FAM111A: variants seen among roughly 807,000 people sequenced by gnomAD.
FAM111A encodes the protein serine protease FAM111A.
Under a neutral mutation model 3.3 loss-of-function variants are expected in FAM111A, and 8 were observed. That is an observed-to-expected ratio of 2.39 (90% CI 1.40 to 4.32). The LOEUF (loss-of-function observed/expected upper bound fraction) is 4.32. FAM111A is among the 30% of genes most tolerant of loss of function. FAM111A has a pLI of 0.00. For synonymous variants in FAM111A, 227 were observed against 243.1 expected (o/e 0.93, Z 0.62); for missense variants, 683 against 727.6 (o/e 0.94, Z 0.71).
intron 5 of FAM111A, among the ~76,000 whole-genome samples, chr11:59,149,708 T>C (rs1422204518): frequency 6.6e-6 from 1 of 152,212 alleles, no homozygotes; most frequent in Non-Finnish European, 1.5e-5. Flanking sequence ...TTTTAATATA[T>C]TTGTTCTTAC....
intron 5 of FAM111A, 99 bp from the exon 6 acceptor site, chr11:59,151,651 C>G: frequency 2.3e-6 from 2 of 871,020 alleles, no homozygotes; most frequent in Admixed American, 2.4e-5. Flanking sequence ...GATTGGTTCT[C>G]AGTTTCTCAT....
intron 4 of FAM111A, among the ~76,000 whole-genome samples, 163 bp downstream of exon 4, chr11:59,146,019 A>C (rs536122009): frequency 6.6e-6 from 1 of 151,670 alleles, no homozygotes; most frequent in East Asian, 1.9e-4. Context: ...TAGATTGCAT[A>C]TATAATATAT....
chr11:59,152,487 C>T lies in FAM111A; in HGVS notation c.819C>T (p.Val273=). ...YFQVEVEKRM[V]PSAAASQNPE... The stretch of plus-strand genomic sequence containing the variant: ...AGGTTGAGGTTGAGAAAAGAATGGT[C>T]CCCAGTGCAGCAGCTTCTCAGAATC... The change falls in exon 6 of 6, where the codon GTC becomes GTT. Residue 273 remains valine, a synonymous_variant. Coordinates refer to ENST00000675163, the MANE Select transcript of FAM111A (RefSeq NM_001312909.2). The T allele has an allele frequency of 6.2e-7, 1 of 1,614,018 alleles. No individual in the cohort carries two copies. The highest frequency in any genetic ancestry group is 8.5e-7 in the Non-Finnish European group (1 of 1,180,014).
intron 4 of FAM111A, among the ~76,000 whole-genome samples, chr11:59,148,060 G>T (rs1861160106): frequency 6.6e-6 from 1 of 152,144 alleles, no homozygotes; most frequent in Non-Finnish European, 1.5e-5. Context: ...AAATATTGAG[G>T]TACTAAGGAC....
At position 59,146,388 on chromosome 11, in the gene FAM111A, A is replaced by G. The variant is rs529243197; in HGVS notation, c.-77+532A>G. 3.9e-5 allele frequency among the ~76,000 whole-genome samples: 6 copies of G among 152,330 alleles called. No homozygotes were observed. The South Asian group carries it at 1.2e-3, about 32-fold the overall frequency. On this transcript the variant is annotated intron_variant, in intron 4 of 5. Coordinates refer to ENST00000675163, the MANE Select transcript of FAM111A (RefSeq NM_001312909.2). ...CATGAGCTACCGCACCCAGACCACA[A>G]TATATTTCTTAATCTTTATAACAAG...
At chr11:59,148,162 C>T (rs1225733453) in intron 4 of FAM111A, 2 of 152,114 alleles carry the variant, frequency 1.3e-5, no homozygotes, top group Non-Finnish European at 2.9e-5. Context: ...TTTGTTCATC[C>T]TCTTCTAGGG....
At position 59,151,860 on chromosome 11, in the gene FAM111A, G is replaced by A. The variant is rs1861701706; in HGVS notation, c.192G>A (p.Lys64=). Residue 64 remains lysine (K), a synonymous_variant, in exon 6 of 6, where the codon AAG becomes AAA. Transcript: ENST00000675163. The part of the protein sequence containing the change: ...NTQAQRFHSP[K]KNPEDQTMPQ... The stretch of plus-strand genomic sequence containing the variant: ...AGGCTCAAAGATTCCATTCACCTAA[G>A]AAAAATCCAGAAGACCAGACCATGC... 4 of 1,614,162 alleles carry A rather than the reference G, an allele frequency of 2.5e-6. No homozygotes were observed. Among genetic ancestry groups the A allele is most frequent in the Non-Finnish European group, 2.5e-6 (3 of 1,180,018 alleles).
intron 4 of FAM111A, among the ~76,000 whole-genome samples, chr11:59,146,987 A>G (rs899468431): frequency 6.6e-6 from 1 of 151,962 alleles, no homozygotes; most frequent in Non-Finnish European, 1.5e-5. Flanking sequence ...TTTAAATGTC[A>G]TGATGTTTCT....
At chr11:59,144,588 T>A (rs1159289325) in intron 3 of FAM111A, 1 of 152,260 alleles carries the variant, frequency 6.6e-6, no homozygotes, top group Non-Finnish European at 1.5e-5. Context: ...ACGCTGGCTC[T>A]GGGGATTAGG....
In FAM111A at chr11:59,146,652, A is replaced by T. The variant is rs566240927; in HGVS notation, c.-77+796A>T. Among the ~76,000 whole-genome samples, 14 of 152,364 alleles carry T rather than the reference A, an allele frequency of 9.2e-5. 1 individual carries two copies. The highest frequency in any genetic ancestry group is 9.1e-4 in the Admixed American group (14 of 15,310). On this transcript the variant is annotated intron_variant, in intron 4 of 5. Coordinates refer to ENST00000675163, the MANE Select transcript of FAM111A (RefSeq NM_001312909.2). ...TTCCCTAGTCAATGACTGACAGTAA[A>T]CTAGAAAGCCAGGACTCTTGTTCCA...
At chr11:59,146,152 T>C (rs750634743) in intron 4 of FAM111A, among the ~76,000 whole-genome samples, 3 of 151,928 alleles carry the variant, frequency 2.0e-5, no homozygotes, top group Non-Finnish European at 4.4e-5. Flanking sequence ...TGGTGTGATC[T>C]CGGATCACTG....
chr11:59,144,332 T>A (rs890719697), intron 3 of FAM111A: 1 of 152,256 alleles, frequency 6.6e-6, no homozygotes, highest in Non-Finnish European at 1.5e-5. Flanking sequence ...AGATCTTGCA[T>A]CAGGTTGAAC....
Position 59,148,855 on chromosome 11 carries a change from G to A in FAM111A, c.-18G>A, listed in dbSNP as rs373167696. On this transcript the variant is annotated 5_prime_UTR_variant, in exon 5 of 6. Coordinates refer to ENST00000675163, the MANE Select transcript of FAM111A (RefSeq NM_001312909.2). ...AATTAGTGTTTCAGCTGAACCATCC[G>A]TTCATCTTCAAGCCATCATGAGCTG... The A allele has an allele frequency of 4.6e-5, 73 of 1,591,750 alleles. No individual in the cohort carries two copies. The highest frequency in any genetic ancestry group is 2.8e-4 in the South Asian group (25 of 90,536).
At chr11:59,151,125 C>G (rs959851250) in intron 5 of FAM111A, among the ~76,000 whole-genome samples, 1 of 151,584 alleles carries the variant, frequency 6.6e-6, no homozygotes, top group African/African-American at 2.4e-5. Context: ...TAAACAAGTC[C>G]TGAAATAAAA....
rs1861695018 is a variant in FAM111A, at chr11:59,151,803, T to C, written c.135T>C (p.Ser45=). The C allele has an allele frequency of 6.2e-7, 1 of 1,613,372 alleles. No individual in the cohort carries two copies. Among genetic ancestry groups the C allele is most frequent in the Non-Finnish European group, 8.5e-7 (1 of 1,179,808 alleles). The stretch of plus-strand genomic sequence containing the variant: ...GTACTTCTCTAATGAGGATGGAGTC[T>C]AGAGGAGACCCAAGAGCCACAACTA... The part of the protein sequence containing the change: ...NCSTSLMRME[S]RGDPRATTNT... The change falls in exon 6 of 6, where the codon TCT becomes TCC. Residue 45 remains serine, a synonymous_variant. Transcript: ENST00000675163.
chr11:59,153,059 C>A lies in FAM111A; in HGVS notation c.1391C>A (p.Pro464Gln). Residue 464 changes from proline to glutamine, a missense_variant, in exon 6 of 6, where the codon CCA becomes CAA. By Grantham distance (76) the Pro-to-Gln change is moderately conservative. Transcript: ENST00000675163. ...CTATATAATGGAATTACTCCTGTGC[C>A]ACTTAGTGGGTTGATACATATTATT... ...MELYNGITPV[P>Q]LSGLIHIIGH... 6.2e-7 allele frequency: 1 copy of A among 1,614,032 alleles called. No homozygotes were observed. The highest frequency in any genetic ancestry group is 8.5e-7 in the Non-Finnish European group (1 of 1,180,018).
Position 59,154,556 on chromosome 11 carries a change from G to A in FAM111A, c.*1052G>A, listed in dbSNP as rs1340768851. The A allele has an allele frequency of 6.6e-6, 1 of 152,188 alleles. No homozygotes were observed. Among genetic ancestry groups the A allele is most frequent in the African/African-American group, 2.4e-5 (1 of 41,432 alleles). 9.4% of individuals were successfully genotyped at this position (152,188 alleles called of 1,614,324 possible). On this transcript the variant is annotated 3_prime_UTR_variant, in exon 6 of 6. Coordinates refer to ENST00000675163, the MANE Select transcript of FAM111A (RefSeq NM_001312909.2). ...AACCAAGCCTGCAAATCTCCCTCTT[G>A]TGGAATTCCACTGGACCCAATCTGT...
At chr11:59,150,511 T>C (rs1861513321) in intron 5 of FAM111A, among the ~76,000 whole-genome samples, 1 of 152,188 alleles carries the variant, frequency 6.6e-6, no homozygotes, top group African/African-American at 2.4e-5. Flanking sequence ...GAATATGACT[T>C]GGGAAAAATG....
intron 4 of FAM111A, among the ~76,000 whole-genome samples, chr11:59,146,941 T>C (rs1242037481): frequency 6.6e-6 from 1 of 152,196 alleles, no homozygotes; most frequent in Non-Finnish European, 1.5e-5. Context: ...AAAGAAAAAT[T>C]ATGTAATTTT....
Sources: allele counts gnomAD v4.1 joint callset (sites outside exome capture counted in the v4.1 genomes callset), GRCh38; gene constraint gnomAD v4.1.1; transcripts MANE v1.5; gene names NCBI Gene and HGNC (gene_info 2026-07-23, HGNC 2026-07-21).